Variants in ZHX1 observed in about 807,000 individuals in gnomAD.
ZHX1 encodes the protein zinc fingers and homeoboxes protein 1.
ZHX1 carries 20 observed loss-of-function variants against 61.8 expected under a neutral mutation model. The ratio of observed to expected loss-of-function variants is 0.32; its 90% CI spans 0.23 to 0.47. ZHX1 has a LOEUF of 0.47. Among genes scored for constraint, ZHX1 ranks in the 20% least tolerant of loss-of-function variants. The pLI, the probability that ZHX1 is intolerant of heterozygous loss-of-function variation, is 1.00. For missense variants in ZHX1, 800 were observed against 1,034.8 expected (o/e 0.77, Z 3.11); for synonymous variants, 318 against 352.6 (o/e 0.90, Z 1.10).
intron 2 of ZHX1, among the ~76,000 whole-genome samples, chr8:123,258,458 C>G (rs1203331813): frequency 6.6e-6 from 1 of 152,206 alleles, no homozygotes; most frequent in African/African-American, 2.4e-5. Flanking sequence ...GAGACTGAGA[C>G]ACAGCTTTTT....
Position 123,260,946 on chromosome 8 carries a change from C to T in ZHX1, c.-225-4775G>A, listed in dbSNP as rs141646865. ...CTGAGGCAGGAGAATCACTTGAATC[C>T]GGGAGGTGGAGGATGCAGTGAGCCA... is the stretch of plus-strand genomic sequence containing the variant. On this transcript the variant is annotated intron_variant, in intron 2 of 3. Transcript: ENST00000395571. Among the ~76,000 whole-genome samples the T allele has an allele frequency of 0.017, 2,657 of 152,122 alleles. 139 individuals carry two copies. In the East Asian group the frequency reaches 0.21, roughly 12 times the overall value.
At chr8:123,267,153 T>C in intron 2 of ZHX1, 120 bp downstream of exon 2, 2 of 828,904 alleles carry the variant, frequency 2.4e-6, no homozygotes, top group South Asian at 2.4e-5. Context: ...GTGTTAAGCA[T>C]ATGTCTGCTG....
At chr8:123,261,310 C>A (rs1826251339) in intron 2 of ZHX1, among the ~76,000 whole-genome samples, 1 of 152,122 alleles carries the variant, frequency 6.6e-6, no homozygotes, top group Non-Finnish European at 1.5e-5. Context: ...GAAGAAGAAT[C>A]CCAGGCCCAG....
In ZHX1 at chr8:123,254,921, A is replaced by G. The variant is rs1563809488; in HGVS notation, c.1026T>C (p.Ser342=). 1.2e-6 allele frequency: 2 copies of G among 1,614,204 alleles called. No individual in the cohort carries two copies. The highest frequency in any genetic ancestry group is 3.3e-5 in the Admixed American group (2 of 60,022). Residue 342 remains serine (S), a synonymous_variant, in exon 3 of 4, where the codon AGT becomes AGC. Coordinates refer to ENST00000395571, the MANE Select transcript of ZHX1 (RefSeq NM_007222.5). This position sits in a 1 kb window ranked among gnomAD's most constrained non-coding sequence, Gnocchi z 4.1. ...FSAQRLKHGV[S]WTPEEVEEAR... ...CCTCCTCTACTTCCTCGGGAGTCCA[A>G]CTAACACCATGTTTTAAACGTTGGG...
At chr8:123,252,657 A>G (rs939900029) in intron 3 of ZHX1, 1 of 152,226 alleles carries the variant, frequency 6.6e-6, no homozygotes, top group African/African-American at 2.4e-5. Flanking sequence ...ACATGAATTT[A>G]TATATGGCCT....
intron 2 of ZHX1, among the ~76,000 whole-genome samples, chr8:123,261,108 T>C (rs937570132): frequency 5.3e-5 from 8 of 152,196 alleles, no homozygotes; most frequent in Non-Finnish European, 1.2e-4. Flanking sequence ...TTATTTAACA[T>C]ATTTCTAAAA....
intron 3 of ZHX1, among the ~76,000 whole-genome samples, chr8:123,250,808 C>T (rs377735057): frequency 5.3e-5 from 8 of 152,172 alleles, no homozygotes; most frequent in African/African-American, 1.9e-4. Context: ...TTTTACTCAG[C>T]CAAGGATAAC....
intron 2 of ZHX1, chr8:123,263,027 G>C (rs185571848): frequency 6.6e-6 from 1 of 150,708 alleles, no homozygotes; most frequent in Non-Finnish European, 1.5e-5. Context: ...AGCGGGAAGG[G>C]GAGGGGAGAG....
chr8:123,274,566 C>A (rs1236479861), upstream of ZHX1: 2 of 152,312 alleles, frequency 1.3e-5, no homozygotes, highest in Non-Finnish European at 2.9e-5. Context: ...CGACCCCGGC[C>A]CCTAGTCCGG....
Position 123,255,608 on chromosome 8 carries a change from C to A in ZHX1, c.339G>T (p.Arg113Ser). ...GATTATGCTCAGAAAGTGCATCATA[C>A]CTTTTGGTAAGAAAATTGCATTCGA... ...VCVECNFLTK[R>S]YDALSEHNLK... The change falls in exon 3 of 4, where the codon AGG (arginine) becomes AGT (serine). Residue 113 changes from arginine (R) to serine (S), a missense_variant. Arg to Ser is a moderately radical substitution (Grantham distance 110). Coordinates refer to ENST00000395571, the MANE Select transcript of ZHX1 (RefSeq NM_007222.5). The A allele has an allele frequency of 1.2e-6, 2 of 1,613,422 alleles. No homozygotes were observed. Among genetic ancestry groups the A allele is most frequent in the South Asian group, 1.1e-5 (1 of 91,068 alleles).
intron 1 of ZHX1, among the ~76,000 whole-genome samples, chr8:123,272,185 T>C (rs775101036): frequency 3.3e-4 from 50 of 152,286 alleles, no homozygotes; most frequent in Non-Finnish European, 5.3e-4. Flanking sequence ...GAAATCTCTA[T>C]GAATCATCAC....
chr8:123,258,247 C>T (rs143699626), intron 2 of ZHX1, among the ~76,000 whole-genome samples: 56 of 152,298 alleles, frequency 3.7e-4, no homozygotes, highest in African/African-American at 9.6e-4. Flanking sequence ...CACTGTCTCT[C>T]TTGCTTCCTT....
chr8:123,258,968 C>CA (rs1255133365), intron 2 of ZHX1, among the ~76,000 whole-genome samples: 1 of 152,120 alleles, frequency 6.6e-6, no homozygotes, highest in African/African-American at 2.4e-5. Flanking sequence ...GAGTTTGCTT[C>CA]AAAAATTATT....
chr8:123,263,553 C>T (rs1563813405), intron 2 of ZHX1, among the ~76,000 whole-genome samples: 1 of 152,038 alleles, frequency 6.6e-6, no homozygotes, highest in African/African-American at 2.4e-5. Context: ...ATCTTTAGGC[C>T]AGGCATGGTG....
At chr8:123,267,186 A>G in intron 2 of ZHX1, 87 bp downstream of exon 2, 1 of 1,288,900 alleles carries the variant, frequency 7.8e-7, no homozygotes, top group Non-Finnish European at 1.0e-6. Flanking sequence ...AGCTTTTAAA[A>G]ACTTTAGACA....
Position 123,254,465 on chromosome 8 carries a change from A to T in ZHX1, c.1482T>A (p.Ile494=). The T allele has an allele frequency of 6.2e-7, 1 of 1,614,066 alleles. No individual in the cohort carries two copies. Among genetic ancestry groups the T allele is most frequent in the South Asian group, 1.1e-5 (1 of 91,050 alleles). The change falls in exon 3 of 4, where the codon ATT becomes ATA. Residue 494 remains isoleucine (I), a synonymous_variant. Transcript: ENST00000395571. This position sits in a 1 kb window ranked among gnomAD's most constrained non-coding sequence, Gnocchi z 4.1. ...LKNQFPHDSE[I]IRLMKITGLT... Reference sequence around the variant, plus strand: ...GGCCTGTTATTTTCATAAGTCTGATAATTTCTGAATCATGGGGAAACTGAT... The same window carrying T: ...GGCCTGTTATTTTCATAAGTCTGATTATTTCTGAATCATGGGGAAACTGAT...
chr8:123,259,763 A>T (rs1046430862), intron 2 of ZHX1, among the ~76,000 whole-genome samples: 2 of 152,194 alleles, frequency 1.3e-5, no homozygotes, highest in African/African-American at 4.8e-5. Flanking sequence ...TTCTTTCTGA[A>T]ACTTTTTCCT....
intron 1 of ZHX1, among the ~76,000 whole-genome samples, chr8:123,273,268 C>T (rs926754274): frequency 2.6e-5 from 4 of 152,176 alleles, no homozygotes; most frequent in African/African-American, 9.7e-5. Context: ...GTCCCTTTAC[C>T]TCCAACTTTG....
chr8:123,252,259 G>A (rs752366632), intron 3 of ZHX1, among the ~76,000 whole-genome samples: 6 of 152,014 alleles, frequency 3.9e-5, no homozygotes, highest in African/African-American at 9.7e-5. Context: ...CTTTTACCCC[G>A]GAACACTCCA....
Sources: gnomAD v4.1 joint callset for allele counts (sites outside exome capture counted in the v4.1 genomes callset) on GRCh38, gnomAD v4.1.1 for gene constraint, Gnocchi (gnomAD v3.1) non-coding constraint, MANE v1.5 for transcripts, NCBI Gene and HGNC (gene_info 2026-07-23, HGNC 2026-07-21) for gene names.